DKKL1: variants seen among roughly 807,000 people sequenced by gnomAD.
DKKL1 encodes dickkopf like acrosomal protein 1, also known as dickkopf-like protein 1.
A neutral mutation model predicts 16.5 loss-of-function variants in DKKL1; 11 were observed. The ratio of observed to expected loss-of-function variants is 0.67; its 90% CI spans 0.42 to 1.10. The LOEUF (loss-of-function observed/expected upper bound fraction) is 1.10, where lower values mean the gene tolerates loss of function less well. Ranked by LOEUF, DKKL1 falls within the 50% of genes least tolerant of loss-of-function variation. The probability of loss-of-function intolerance (pLI) is 0.00; values close to 1 mark genes in which losing one functional copy is unlikely to be tolerated. For synonymous variants in DKKL1, 119 were observed against 133.2 expected (o/e 0.89, Z 0.73); for missense variants, 320 against 308.1 (o/e 1.04, Z -0.29).
At chr19:49,365,112 G>A (rs1163520018) in intron 2 of DKKL1, among the ~76,000 whole-genome samples, 1 of 152,188 alleles carries the variant, frequency 6.6e-6, no homozygotes, top group Non-Finnish European at 1.5e-5. Flanking sequence ...GCTGCAGTAA[G>A]CCATGATAGC....
upstream of DKKL1, among the ~76,000 whole-genome samples, chr19:49,361,197 C>CAGAG (rs138881224): frequency 0.07 from 3,079 of 44,286 alleles, 187 homozygotes; most frequent in African/African-American, 0.28. Context: ...TCCAGAGGCC[C>CAGAG]AGAGAGGGAG....
intron 4 of DKKL1, among the ~76,000 whole-genome samples, chr19:49,368,544 A>T (rs944821368): frequency 3.6e-4 from 55 of 151,900 alleles, no homozygotes; most frequent in African/African-American, 1.1e-3. Flanking sequence ...AGTTTTTTTT[A>T]AAAAACATAC....
chr19:49,361,164 G>A (rs1224508413), upstream of DKKL1, among the ~76,000 whole-genome samples: 5 of 101,516 alleles, frequency 4.9e-5, no homozygotes, highest in African/African-American at 2.1e-4. Flanking sequence ...CCGGGGGGGG[G>A]GGACAGGGAC....
At chr19:49,373,664 T>G (rs1973599327) in intron 4 of DKKL1, among the ~76,000 whole-genome samples, 1 of 152,036 alleles carries the variant, frequency 6.6e-6, no homozygotes, top group South Asian at 2.1e-4. Context: ...GAGACAGGAT[T>G]TTGTCATGCT....
intron 4 of DKKL1, among the ~76,000 whole-genome samples, chr19:49,367,691 C>A (rs999597732): frequency 2.6e-5 from 4 of 152,162 alleles, no homozygotes; most frequent in Admixed American, 6.5e-5. Flanking sequence ...TAGGCGTGAG[C>A]CACCATGCCT....
rs763470169 is a variant in DKKL1 at position 49,364,578 on chromosome 19, A to C, written c.11-4A>C. ...CGGGGCTCTGACCCCGACCCTTGCC[A>C]CAGCCTCCCCACCTGCCCCCGCAAG... On this transcript the variant is annotated splice_polypyrimidine_tract_variant and splice_region_variant and intron_variant, in intron 1 of 4. Transcript: ENST00000221498. The C allele has an allele frequency of 4.4e-6, 7 of 1,607,362 alleles. No homozygotes were observed. Among genetic ancestry groups the C allele is most frequent in the Admixed American group, 3.4e-5 (2 of 59,610 alleles).
At chr19:49,369,069 C>T (rs993740395) in intron 4 of DKKL1, 1 of 152,136 alleles carries the variant, frequency 6.6e-6, no homozygotes. Flanking sequence ...CAGTAAGGAC[C>T]CAATGCATAA....
chr19:49,372,099 T>C (rs1973514789), intron 4 of DKKL1, among the ~76,000 whole-genome samples: 1 of 152,162 alleles, frequency 6.6e-6, no homozygotes, highest in African/African-American at 2.4e-5. Context: ...TGTGTCTTTA[T>C]GGTAAAAAAA....
upstream of DKKL1, among the ~76,000 whole-genome samples, chr19:49,360,736 G>GA: frequency 1.2e-5 from 1 of 83,484 alleles, no homozygotes; most frequent in South Asian, 3.7e-4. Flanking sequence ...GAGAGAGGGG[G>GA]ACAGAGACCC....
chr19:49,363,730 G>T, upstream of DKKL1: 1 of 548,316 alleles, frequency 1.8e-6, no homozygotes, highest in Non-Finnish European at 3.3e-6. Flanking sequence ...GGGGTGTGGT[G>T]AACGAAGGAT....
chr19:49,366,836 T>C (rs1973269779), intron 4 of DKKL1, among the ~76,000 whole-genome samples: 1 of 151,724 alleles, frequency 6.6e-6, no homozygotes, highest in African/African-American at 2.4e-5. Context: ...GCCTCCGGAA[T>C]AGCTGGAACT....
chr19:49,371,533 C>CAA (rs1369692929), intron 4 of DKKL1, among the ~76,000 whole-genome samples: 2 of 143,750 alleles, frequency 1.4e-5, no homozygotes, highest in Non-Finnish European at 2.9e-5. Flanking sequence ...GATAAATGAT[C>CAA]TTTTATGCTT....
chr19:49,364,089 C>T, intron 1 of DKKL1, 81 bp downstream of exon 1: 1 of 1,570,848 alleles, frequency 6.4e-7, no homozygotes, highest in Non-Finnish European at 8.7e-7. Flanking sequence ...GTGGCTTACG[C>T]CTGCAATCCC....
intron 2 of DKKL1, 110 bp downstream of exon 2, chr19:49,364,864 C>T (rs1344779543): frequency 7.4e-7 from 1 of 1,342,402 alleles, no homozygotes; most frequent in Non-Finnish European, 1.0e-6. Flanking sequence ...GAGAGGGCAA[C>T]AGGGAGACCA....
At chr19:49,371,653 G>A (rs1056234899) in intron 4 of DKKL1, among the ~76,000 whole-genome samples, 8 of 150,562 alleles carry the variant, frequency 5.3e-5, no homozygotes, top group Non-Finnish European at 8.8e-5. Context: ...TTGGGTTCTG[G>A]GGTACATGTG....
rs746879904 is a variant in DKKL1 at position 49,365,859 on chromosome 19, G to C, written c.391G>C (p.Glu131Gln). ...ENVVASIQPA[E>Q]GSFEGDLKVP... ...TGTGGTGGCATCCATTCAACCAGCG[G>C]AGGGGAGCTTCGAGGGTGATTTGAA... Residue 131 changes from glutamate to glutamine, a missense_variant, in exon 4 of 5, where the codon GAG becomes CAG. Coordinates refer to ENST00000221498, the MANE Select transcript of DKKL1 (RefSeq NM_014419.4). 3.7e-6 allele frequency: 6 copies of C among 1,614,162 alleles called. No individual in the cohort carries two copies. The South Asian group carries it at 6.6e-5, about 18-fold the overall frequency.
upstream of DKKL1, chr19:49,363,831 T>C (rs1036143306): frequency 1.2e-5 from 12 of 971,352 alleles, no homozygotes; most frequent in African/African-American, 8.1e-5. Context: ...GGTCAGACAA[T>C]AGGGGCGTGG....
In DKKL1 at chr19:49,374,880, G is replaced by A. The variant is rs1394288526; in HGVS notation, c.581G>A (p.Arg194Gln). Residue 194 changes from arginine (R) to glutamine (Q), a missense_variant, in exon 5 of 5, where the codon CGA becomes CAA. By Grantham distance (43) the Arg-to-Gln change is conservative. Coordinates refer to ENST00000221498, the MANE Select transcript of DKKL1 (RefSeq NM_014419.4). The part of the protein sequence containing the change: ...LEGGHWLSEK[R>Q]HRLQAIRDGL... ...GGCGGCCACTGGCTCAGCGAGAAGC[G>A]ACACCGCCTGCAGGCCATCCGGGAT... 29 of 1,613,874 alleles carry A rather than the reference G, an allele frequency of 1.8e-5. No homozygotes were observed. Among genetic ancestry groups the A allele is most frequent in the South Asian group, 3.3e-5 (3 of 91,078 alleles).
Position 49,375,027 on chromosome 19 carries a change from AG to A in DKKL1, c.*3del. On this transcript the variant is annotated frameshift_variant and stop_lost, in exon 5 of 5. Coordinates refer to ENST00000221498, the MANE Select transcript of DKKL1 (RefSeq NM_014419.4). LOFTEE classifies it high-confidence loss of function. ...LYILRPSRQL[*>X] Reference sequence around the variant, plus strand: ...ATCCTCAGGCCCTCTCGGCAGCTGTAGGGGTGGGGACCGGGGAGCACCTGCC... The same window carrying A: ...ATCCTCAGGCCCTCTCGGCAGCTGTAGGGTGGGGACCGGGGAGCACCTGCC... The A allele has an allele frequency of 6.2e-7, 1 of 1,600,868 alleles. No individual in the cohort carries two copies. The highest frequency in any genetic ancestry group is 8.5e-7 in the Non-Finnish European group (1 of 1,173,476).
Sources: gnomAD v4.1 joint callset for allele counts (sites outside exome capture counted in the v4.1 genomes callset) on GRCh38, gnomAD v4.1.1 for gene constraint, MANE v1.5 for transcripts, NCBI Gene and HGNC (gene_info 2026-07-23, HGNC 2026-07-21) for gene names.